The following TENT4B variants were observed in gnomAD, a reference collection of about 807,000 sequenced individuals.
TENT4B encodes PAP associated domain containing 5.
A neutral mutation model predicts 75.0 loss-of-function variants in TENT4B; 10 were observed. The ratio of observed to expected loss-of-function variants is 0.13; its 90% CI spans 0.08 to 0.23. The LOEUF is 0.23. Ranked by LOEUF, TENT4B falls within the 10% of genes least tolerant of loss-of-function variation. The pLI, the probability that TENT4B is intolerant of heterozygous loss-of-function variation, is 1.00. For missense variants in TENT4B, 579 were observed against 893.8 expected (o/e 0.65, Z 4.49); for synonymous variants, 350 against 357.7 (o/e 0.98, Z 0.24).
intron 1 of TENT4B, among the ~76,000 whole-genome samples, chr16:50,169,886 C>G (rs1254428131): frequency 6.6e-6 from 1 of 152,134 alleles, no homozygotes; most frequent in East Asian, 1.9e-4. Context: ...CATACCTGGC[C>G]TTTGCTTTTA....
chr16:50,194,427 C>T (rs2030072921), intron 1 of TENT4B, among the ~76,000 whole-genome samples: 1 of 152,070 alleles, frequency 6.6e-6, no homozygotes, highest in Non-Finnish European at 1.5e-5. Flanking sequence ...GTTGGCCAGG[C>T]TGGTCTTGAA....
Position 50,232,344 on chromosome 16 carries a change from T to C in TENT4B, c.*3016T>C. On this transcript the variant is annotated 3_prime_UTR_variant, in exon 12 of 12. Transcript: ENST00000561678. Reference sequence around the variant, plus strand: ...TTCAACAGTTGATTCTGTTTTATTTTTATCCTGTTTTGAGTGTACTTTACC... The same window carrying C: ...TTCAACAGTTGATTCTGTTTTATTTCTATCCTGTTTTGAGTGTACTTTACC... 2.0e-6 allele frequency: 2 copies of C among 985,440 alleles called. No individual in the cohort carries two copies. The highest frequency in any genetic ancestry group is 2.4e-6 in the Non-Finnish European group (2 of 829,930). 61.0% of individuals were successfully genotyped at this position (985,440 alleles called of 1,614,324 possible). A position where few individuals can be genotyped will look rare whatever the true frequency, so the allele number is the denominator to read the frequency against.
chr16:50,181,921 G>A (rs1297364946), intron 1 of TENT4B, among the ~76,000 whole-genome samples: 1 of 152,156 alleles, frequency 6.6e-6, no homozygotes, highest in Non-Finnish European at 1.5e-5. Flanking sequence ...GGTTAGTGAT[G>A]TAAATACCAG....
intron 1 of TENT4B, among the ~76,000 whole-genome samples, chr16:50,190,279 C>T (rs576204290): frequency 6.6e-6 from 1 of 151,820 alleles, no homozygotes; most frequent in South Asian, 2.1e-4. Flanking sequence ...TTTTTAAGAA[C>T]AGTGCATTTT....
At chr16:50,208,375 A>T (rs1324621864) in intron 1 of TENT4B, among the ~76,000 whole-genome samples, 1 of 152,204 alleles carries the variant, frequency 6.6e-6, no homozygotes, top group Non-Finnish European at 1.5e-5. Flanking sequence ...CTGAAAGTGA[A>T]TTTTAGAATC....
In TENT4B at chr16:50,235,014, C is replaced by T; in HGVS notation, c.*5686C>T. The T allele has an allele frequency of 1.0e-6, 1 of 985,762 alleles. No homozygotes were observed. Among genetic ancestry groups the T allele is most frequent in the Non-Finnish European group, 1.2e-6 (1 of 829,918 alleles). The allele number at this position is 985,762 out of a possible 1,614,324, so 61.1% of individuals were successfully genotyped here. On this transcript the variant is annotated 3_prime_UTR_variant, in exon 12 of 12. Coordinates refer to ENST00000561678, the MANE Select transcript of TENT4B (RefSeq NM_001365324.3). ...AAACTTTCCAATCTTGTCTAGTTACCACTGCAGAGACACTAAGGAATTTAC... is the reference window on the plus strand; with the variant it reads ...AAACTTTCCAATCTTGTCTAGTTACTACTGCAGAGACACTAAGGAATTTAC...
chr16:50,216,325 C>A, intron 4 of TENT4B, 130 bp downstream of exon 4: 1 of 1,230,954 alleles, frequency 8.1e-7, no homozygotes, highest in Non-Finnish European at 1.1e-6. Context: ...TGTCACCGTG[C>A]TTGCACATAA....
chr16:50,216,241 A>C (rs868646803), intron 4 of TENT4B, 46 bp downstream of exon 4: 1 of 1,603,878 alleles, frequency 6.2e-7, no homozygotes, highest in East Asian at 2.2e-5. Context: ...TTATTTACCT[A>C]TGAAACTTGA....
intron 1 of TENT4B, among the ~76,000 whole-genome samples, chr16:50,208,898 A>G (rs1044028015): frequency 1.3e-5 from 2 of 152,086 alleles, no homozygotes; most frequent in Non-Finnish European, 2.9e-5. Flanking sequence ...ACACCCAGCT[A>G]ATTTTTATAT....
Position 50,234,850 on chromosome 16 carries a change from A to T in TENT4B, c.*5522A>T. The T allele has an allele frequency of 1.0e-6, 1 of 985,630 alleles. No homozygotes were observed. Among genetic ancestry groups the T allele is most frequent in the Non-Finnish European group, 1.2e-6 (1 of 829,792 alleles). 61.1% of individuals were successfully genotyped at this position (985,630 alleles called of 1,614,324 possible). ...CATTTTTAGTGGAATATACATAGATAACGTGTATTTAGAAACTTTGGTGAA... is the reference window on the plus strand; with the variant it reads ...CATTTTTAGTGGAATATACATAGATTACGTGTATTTAGAAACTTTGGTGAA... On this transcript the variant is annotated 3_prime_UTR_variant, in exon 12 of 12. Transcript: ENST00000561678.
chr16:50,193,708 T>A (rs2030012795), intron 1 of TENT4B, among the ~76,000 whole-genome samples: 1 of 152,152 alleles, frequency 6.6e-6, no homozygotes, highest in Non-Finnish European at 1.5e-5. Flanking sequence ...TGTTGTCACC[T>A]TCCATAAGTG....
intron 5 of TENT4B, among the ~76,000 whole-genome samples, chr16:50,218,459 C>A (rs1282170600): frequency 6.6e-6 from 1 of 152,100 alleles, no homozygotes; most frequent in Admixed American, 6.5e-5. Context: ...GCCTCAGTCT[C>A]ATGAGTACCT....
chr16:50,191,374 T>G (rs1207249799), intron 1 of TENT4B, among the ~76,000 whole-genome samples: 2 of 152,198 alleles, frequency 1.3e-5, no homozygotes, highest in East Asian at 3.8e-4. Context: ...TAACACTTAG[T>G]ATTTTTTTTG....
intron 5 of TENT4B, among the ~76,000 whole-genome samples, chr16:50,219,420 C>T (rs553368687): frequency 2.0e-5 from 3 of 152,156 alleles, no homozygotes; most frequent in Non-Finnish European, 4.4e-5. Flanking sequence ...TTGTTGGTTA[C>T]ACAGGCAGTA....
At chr16:50,173,037 G>A (rs2038236167) in intron 1 of TENT4B, among the ~76,000 whole-genome samples, 1 of 151,996 alleles carries the variant, frequency 6.6e-6, no homozygotes, top group Non-Finnish European at 1.5e-5. Flanking sequence ...CCGCCTCCTG[G>A]GTTCAAGCAA....
chr16:50,173,973 C>T (rs542342195), intron 1 of TENT4B, among the ~76,000 whole-genome samples: 3 of 152,094 alleles, frequency 2.0e-5, no homozygotes, highest in Non-Finnish European at 2.9e-5. Flanking sequence ...GGATTACAGG[C>T]GTGAGCCACT....
chr16:50,214,237 G>C lies in TENT4B; in HGVS notation c.779G>C (p.Ser260Thr). ...CTGTTTCAGGTCCAGATATTTGGAA[G>C]TTTTAAAACTGGACTTTATTTACCT... ...WPSADVQIFG[S>T]FKTGLYLPTS... Residue 260 changes from serine (S) to threonine (T), a missense_variant, in exon 3 of 12, where the codon AGT (serine) becomes ACT (threonine). Transcript: ENST00000561678. 1 of 1,589,668 alleles carries C rather than the reference G, an allele frequency of 6.3e-7. No individual in the cohort carries two copies. The highest frequency in any genetic ancestry group is 8.6e-7 in the Non-Finnish European group (1 of 1,160,902).
rs1468895479 is a variant in TENT4B at position 50,171,810 on chromosome 16, C to T, written c.638+17551C>T. On this transcript the variant is annotated intron_variant, in intron 1 of 11. Coordinates refer to ENST00000561678, the MANE Select transcript of TENT4B (RefSeq NM_001365324.3). Reference sequence around the variant, plus strand: ...TGAAACCATGTGCCTACTAAAAATACAAAAAATAGCTGGGTGTGGTGGTGT... The same window carrying T: ...TGAAACCATGTGCCTACTAAAAATATAAAAAATAGCTGGGTGTGGTGGTGT... Among the ~76,000 whole-genome samples, 3 of 151,728 alleles carry T rather than the reference C, an allele frequency of 2.0e-5. No individual in the cohort carries two copies. In the East Asian group the frequency reaches 5.9e-4, roughly 30 times the overall value.
At chr16:50,166,107 A>G (rs2038095014) in intron 1 of TENT4B, among the ~76,000 whole-genome samples, 1 of 136,686 alleles carries the variant, frequency 7.3e-6, no homozygotes, top group Admixed American at 7.6e-5. Flanking sequence ...TTTTGAGGTG[A>G]AGTCTTGCTT....
Sources: allele counts gnomAD v4.1 joint callset (sites outside exome capture counted in the v4.1 genomes callset), GRCh38; gene constraint gnomAD v4.1.1; transcripts MANE v1.5; gene names NCBI Gene and HGNC (gene_info 2026-07-23, HGNC 2026-07-21).